MTRR: variants seen among roughly 807,000 people sequenced by gnomAD.
MTRR encodes 5-methyltetrahydrofolate-homocysteine methyltransferase reductase, also known as methionine synthase reductase.
In MTRR, 63 loss-of-function variants were observed where a neutral mutation model predicts 79.2. The ratio of observed to expected loss-of-function variants is 0.80; its 90% CI spans 0.65 to 0.98. The LOEUF is 0.98. MTRR is among the 50% of genes least tolerant of loss of function. The pLI is 0.00. For synonymous variants in MTRR, 355 were observed against 313.3 expected (o/e 1.13, Z -1.41); for missense variants, 895 against 839.6 (o/e 1.07, Z -0.82).
intron 1 of MTRR, among the ~76,000 whole-genome samples, chr5:7,860,522 C>T (rs1034430285): frequency 6.6e-6 from 1 of 152,084 alleles, no homozygotes; most frequent in Non-Finnish European, 1.5e-5. Context: ...TATAGGTAGG[C>T]CCCACTTTTG....
At position 7,892,781 on chromosome 5, in the gene MTRR, T is replaced by C. The variant is rs1737829430; in HGVS notation, c.1425T>C (p.Phe475=). The change falls in exon 11 of 15, where the codon TTT becomes TTC. Residue 475 remains phenylalanine (F), a synonymous_variant. Transcript: ENST00000440940. ...KLHFVFNIVE[F]LSTATTEVLR... Reference sequence around the variant, plus strand: ...ATTTTGTCTTCAACATTGTGGAATTTCTGTCTACTGCCACAACAGAGGTTC... The same window carrying C: ...ATTTTGTCTTCAACATTGTGGAATTCCTGTCTACTGCCACAACAGAGGTTC... The C allele has an allele frequency of 6.2e-7, 1 of 1,614,250 alleles. No homozygotes were observed. The highest frequency in any genetic ancestry group is 1.7e-5 in the Admixed American group (1 of 60,030).
intron 14 of MTRR, among the ~76,000 whole-genome samples, chr5:7,899,302 C>T (rs1201203582): frequency 6.6e-6 from 1 of 152,172 alleles, no homozygotes; most frequent in Non-Finnish European, 1.5e-5. Flanking sequence ...CCTCAAACAA[C>T]TTACTCCCTG....
At chr5:7,890,337 C>T (rs940121162) in intron 9 of MTRR, 10 of 985,182 alleles carry the variant, frequency 1.0e-5, no homozygotes, top group Non-Finnish European at 1.1e-5. Flanking sequence ...ACCATCCTGT[C>T]CTCAGGCTGG....
At chr5:7,873,346 C>A in intron 2 of MTRR, 27 bp from the exon 3 acceptor site, 1 of 1,613,860 alleles carries the variant, frequency 6.2e-7, no homozygotes, top group Non-Finnish European at 8.5e-7. Context: ...AGTGTTAGGT[C>A]CCTGACTTGA....
chr5:7,853,525 G>A (rs1485178292), intron 1 of MTRR, among the ~76,000 whole-genome samples: 1 of 152,240 alleles, frequency 6.6e-6, no homozygotes, highest in Non-Finnish European at 1.5e-5. Context: ...AAGGGCCTGA[G>A]TTTATTTGGG....
chr5:7,872,819 T>C (rs563991884), intron 2 of MTRR, among the ~76,000 whole-genome samples: 1 of 152,338 alleles, frequency 6.6e-6, no homozygotes, highest in Non-Finnish European at 1.5e-5. Flanking sequence ...ATCCCCATTT[T>C]AACACCTCTT....
chr5:7,874,687 A>T (rs1394273377), intron 3 of MTRR, among the ~76,000 whole-genome samples: 1 of 144,454 alleles, frequency 6.9e-6, no homozygotes, highest in East Asian at 2.0e-4. Context: ...GGTTATTTAT[A>T]TGGCTGGTGT....
rs1465852233 is a variant in MTRR at position 7,875,328 on chromosome 5, T to C, written c.354T>C (p.Leu118=). The C allele has an allele frequency of 2.5e-6, 4 of 1,613,980 alleles. No individual in the cohort carries two copies. Among genetic ancestry groups the C allele is most frequent in the Non-Finnish European group, 3.4e-6 (4 of 1,179,972 alleles). The change falls in exon 4 of 15, where the codon CTT becomes CTC. Residue 118 remains leucine, a synonymous_variant. Coordinates refer to ENST00000440940, the MANE Select transcript of MTRR (RefSeq NM_002454.3). Reference sequence around the variant, plus strand: ...TAATTGATAAACGACTTCAAGAGCTTGGAGCCCGGCATTTCTATGACACTG... The same window carrying C: ...TAATTGATAAACGACTTCAAGAGCTCGGAGCCCGGCATTTCTATGACACTG... ...GKIIDKRLQE[L]GARHFYDTGH...
At chr5:7,894,580 G>C (rs1738183717) in intron 11 of MTRR, among the ~76,000 whole-genome samples, 1 of 152,166 alleles carries the variant, frequency 6.6e-6, no homozygotes, top group South Asian at 2.1e-4. Flanking sequence ...AATATGCTCT[G>C]GCATGGCTAA....
In MTRR at chr5:7,895,758, A is replaced by G. The variant is rs375420169; in HGVS notation, c.1582A>G (p.Asn528Asp). ...PKISISPRTT[N>D]SFHLPDDPSI... is the part of the protein sequence containing the mutation. Reference sequence around the variant, plus strand: ...GATATCCATCTCTCCTCGAACAACAAATTCTTTCCACTTACCAGATGACCC... The same window carrying G: ...GATATCCATCTCTCCTCGAACAACAGATTCTTTCCACTTACCAGATGACCC... The change falls in exon 12 of 15, where the codon AAT (asparagine) becomes GAT (aspartate). Residue 528 changes from asparagine to aspartate, a missense_variant. Asn to Asp is a conservative substitution (Grantham distance 23, BLOSUM62 1). Coordinates refer to ENST00000440940, the MANE Select transcript of MTRR (RefSeq NM_002454.3). The G allele has an allele frequency of 1.2e-6, 2 of 1,614,064 alleles. No individual in the cohort carries two copies. The highest frequency in any genetic ancestry group is 1.3e-5 in the African/African-American group (1 of 75,026).
At position 7,875,282 on chromosome 5, in the gene MTRR, A is replaced by G. The variant is rs773439429; in HGVS notation, c.308A>G (p.Tyr103Cys). 1.2e-6 allele frequency: 2 copies of G among 1,613,426 alleles called. No homozygotes were observed. The highest frequency in any genetic ancestry group is 2.2e-5 in the East Asian group (1 of 44,870). ...GGTCTCGGTGATTCAGAATACACCT[A>G]CTTTTGCAATGGGGGGAAGATAATT... is the stretch of plus-strand genomic sequence containing the variant. ...LLGLGDSEYT[Y>C]FCNGGKIIDK... Residue 103 changes from tyrosine to cysteine, a missense_variant, in exon 4 of 15, where the codon TAC becomes TGC. By Grantham distance (194) the Tyr-to-Cys change is radical. Transcript: ENST00000440940.
intron 6 of MTRR, among the ~76,000 whole-genome samples, chr5:7,883,823 T>G (rs1270469616): frequency 6.6e-6 from 1 of 152,110 alleles, no homozygotes; most frequent in East Asian, 1.9e-4. Flanking sequence ...AGAACAGCAT[T>G]TTATATATAA....
intron 1 of MTRR, among the ~76,000 whole-genome samples, chr5:7,856,516 T>C (rs1746251678): frequency 6.6e-6 from 1 of 152,096 alleles, no homozygotes; most frequent in Admixed American, 6.5e-5. Context: ...CGTGTACCAA[T>C]AACAATAATT....
At chr5:7,897,657 A>G (rs568323452) in intron 14 of MTRR, among the ~76,000 whole-genome samples, 1 of 152,308 alleles carries the variant, frequency 6.6e-6, no homozygotes, top group Admixed American at 6.5e-5. Flanking sequence ...GAGAATGTGG[A>G]TACTAGGATT....
chr5:7,869,093 A>G (rs553890675), upstream of MTRR: 19 of 1,607,694 alleles, frequency 1.2e-5, no homozygotes, highest in Middle Eastern at 1.7e-4. Context: ...TGATTGGCCC[A>G]GGTCCCCTTC....
Position 7,878,304 on chromosome 5 carries a change from G to A in MTRR, c.762G>A (p.Leu254=), listed in dbSNP as rs200210782. The A allele has an allele frequency of 1.2e-6, 2 of 1,614,232 alleles. No homozygotes were observed. Among genetic ancestry groups the A allele is most frequent in the South Asian group, 2.2e-5 (2 of 91,084 alleles). The change falls in exon 5 of 15, where the codon CTG becomes CTA. Residue 254 remains leucine, a synonymous_variant. Coordinates refer to ENST00000440940, the MANE Select transcript of MTRR (RefSeq NM_002454.3). ...GLPPEYLQVH[L]QESLGQEESQ... ...CCCCAGAATATTTACAGGTACATCT[G>A]CAGGAGTCTCTTGGCCAGGTAAGGA...
Position 7,861,406 on chromosome 5 carries a change from T to A in MTRR, n.392-545T>A, listed in dbSNP as rs1032033081. 3.2e-5 allele frequency: 19 copies of A among 591,104 alleles called. No individual in the cohort carries two copies. In the Admixed American group the frequency reaches 6.6e-4, roughly 21 times the overall value. The allele number at this position is 591,104 out of a possible 1,614,324, so 36.6% of individuals were successfully genotyped here. ...TTTCAAATGAATCATGAATTTGATC[T>A]TATTAATATTAATGTTTATAAAATA... On this transcript the variant is annotated intron_variant and non_coding_transcript_variant, in intron 1 of 3. Coordinates refer to the MTRR transcript ENST00000502509.
upstream of MTRR, chr5:7,866,572 T>C (rs1422266820): frequency 2.6e-6 from 3 of 1,136,440 alleles, no homozygotes; most frequent in Non-Finnish European, 3.8e-6. Context: ...CATATTGCCT[T>C]TATATGTGAC....
intron 1 of MTRR, chr5:7,861,595 T>C (rs1746544251): frequency 1.3e-6 from 2 of 1,592,696 alleles, no homozygotes; most frequent in South Asian, 1.2e-5. Flanking sequence ...TTTATGGATA[T>C]CTTCATTAGC....
Sources: allele counts gnomAD v4.1 joint callset (sites outside exome capture counted in the v4.1 genomes callset), GRCh38; gene constraint gnomAD v4.1.1; transcripts MANE v1.5; gene names NCBI Gene and HGNC (gene_info 2026-07-23, HGNC 2026-07-21).